The following EFCAB5 variants were observed in gnomAD, a reference collection of about 807,000 sequenced individuals.
EFCAB5 encodes EF-hand calcium binding domain 5, also known as EF-hand calcium-binding domain-containing protein 5.
EFCAB5 carries 131 observed loss-of-function variants against 167.9 expected under a neutral mutation model. The observed-to-expected ratio is 0.78, with a 90% CI of 0.68 to 0.90. The LOEUF is 0.90. Ranked by LOEUF, EFCAB5 falls within the 40% of genes least tolerant of loss-of-function variation. The pLI, the probability that EFCAB5 is intolerant of heterozygous loss-of-function variation, is 0.00. For missense variants in EFCAB5, 1,663 were observed against 1,745.2 expected (o/e 0.95, Z 0.84); for synonymous variants, 574 against 602.8 (o/e 0.95, Z 0.70).
chr17:30,075,220 C>A (rs1487840303), intron 14 of EFCAB5, among the ~76,000 whole-genome samples: 1 of 152,192 alleles, frequency 6.6e-6, no homozygotes, highest in Non-Finnish European at 1.5e-5. Context: ...GCTGTCCTCT[C>A]TTCCACACTG....
intron 7 of EFCAB5, among the ~76,000 whole-genome samples, chr17:30,023,093 T>C (rs1452456768): frequency 6.6e-6 from 1 of 151,148 alleles, no homozygotes; most frequent in African/African-American, 2.4e-5. Context: ...GATCCAAAAT[T>C]GACACCCTAA....
At chr17:30,030,384 C>T (rs570499518) in intron 7 of EFCAB5, among the ~76,000 whole-genome samples, 6 of 152,340 alleles carry the variant, frequency 3.9e-5, no homozygotes, top group African/African-American at 1.2e-4. Flanking sequence ...CGCTCTGTTG[C>T]CCAGGCTGGA....
At chr17:29,943,979 A>C (rs1567669262) in intron 3 of EFCAB5, among the ~76,000 whole-genome samples, 1 of 152,236 alleles carries the variant, frequency 6.6e-6, no homozygotes, top group Admixed American at 6.5e-5. Flanking sequence ...TCTCAAAAAA[A>C]TAAATAAATA....
chr17:30,075,784 C>T (rs574135002), intron 14 of EFCAB5, among the ~76,000 whole-genome samples: 1 of 152,318 alleles, frequency 6.6e-6, no homozygotes, highest in Admixed American at 6.5e-5. Context: ...GCCCTGATAC[C>T]CTGCTAGGTG....
At chr17:29,950,290 T>C (rs563253654) in intron 3 of EFCAB5, among the ~76,000 whole-genome samples, 1 of 151,096 alleles carries the variant, frequency 6.6e-6, no homozygotes, top group Non-Finnish European at 1.5e-5. Context: ...CTTCCTTCCT[T>C]CCTTCCTCTC....
chr17:30,003,370 G>A (rs1322594808), intron 7 of EFCAB5, among the ~76,000 whole-genome samples: 1 of 152,012 alleles, frequency 6.6e-6, no homozygotes, highest in South Asian at 2.1e-4. Context: ...CAAGTAGCTG[G>A]GACCACAGTC....
At chr17:30,027,493 T>C (rs2069362187) in intron 7 of EFCAB5, among the ~76,000 whole-genome samples, 1 of 151,980 alleles carries the variant, frequency 6.6e-6, no homozygotes, top group South Asian at 2.1e-4. Flanking sequence ...CTAAAGGCTG[T>C]GACGTTTCTT....
At chr17:29,934,078 T>C (rs1253382886) in intron 1 of EFCAB5, among the ~76,000 whole-genome samples, 1 of 152,218 alleles carries the variant, frequency 6.6e-6, no homozygotes, top group Non-Finnish European at 1.5e-5. Context: ...TCTAAAAATT[T>C]AATGAAAAAC....
At chr17:30,080,604 A>G (rs1216254029) in intron 16 of EFCAB5, 149 bp from the exon 17 acceptor site, 5 of 611,464 alleles carry the variant, frequency 8.2e-6, no homozygotes, top group East Asian at 5.7e-5. Context: ...TTCTCAAGTC[A>G]GACCTCCAAA....
rs1189363512 is a variant in EFCAB5, at chr17:29,941,766, A to G, written c.-31A>G. On this transcript the variant is annotated 5_prime_UTR_variant, in exon 1 of 23. Transcript: ENST00000394835. The stretch of plus-strand genomic sequence containing the variant: ...AATACTGGTCTAGTAATATTCTTCT[A>G]TACCATTTGGTGATAACTTTTGGAG... The G allele has an allele frequency of 2.5e-6, 4 of 1,572,616 alleles. No homozygotes were observed. Among genetic ancestry groups the G allele is most frequent in the East Asian group, 2.3e-5 (1 of 43,940 alleles).
rs760916339 is a variant in EFCAB5, at chr17:30,092,143, G to A, written c.4210G>A (p.Asp1404Asn). The change falls in exon 21 of 23, where the codon GAT becomes AAT. Residue 1404 changes from aspartate to asparagine, a missense_variant. Physicochemically the swap from Asp to Asn is conservative, Grantham distance 23. Transcript: ENST00000394835. The part of the protein sequence containing the change: ...LEFSSDFGSW[D>N]KCKFYVNKYL... ...ATTTTCAAGTGACTTTGGAAGTTGG[G>A]ATAAGTGTAAATTTGTAAGTTTTTT... 6.2e-7 allele frequency: 1 copy of A among 1,611,784 alleles called. No individual in the cohort carries two copies. Among genetic ancestry groups the A allele is most frequent in the Non-Finnish European group, 8.5e-7 (1 of 1,178,622 alleles).
At chr17:30,076,368 G>A (rs1178730697) in intron 14 of EFCAB5, among the ~76,000 whole-genome samples, 1 of 152,214 alleles carries the variant, frequency 6.6e-6, no homozygotes, top group East Asian at 1.9e-4. Flanking sequence ...TCCACCTCTA[G>A]AACTATGAGT....
chr17:29,977,903 C>T (rs2068092848), intron 4 of EFCAB5, among the ~76,000 whole-genome samples: 1 of 152,076 alleles, frequency 6.6e-6, no homozygotes, highest in Admixed American at 6.5e-5. Context: ...TGACAAAAAT[C>T]TATTGTGTGT....
At position 29,977,062 on chromosome 17, in the gene EFCAB5, G is replaced by C. The variant is rs1350444787; in HGVS notation, c.767+7695G>C. Among the ~76,000 whole-genome samples, 3 of 152,050 alleles carry C rather than the reference G, an allele frequency of 2.0e-5. No homozygotes were observed. In the South Asian group the frequency reaches 6.2e-4, roughly 32 times the overall value. ...GCAATTTTGGACAACTGTAAAGTAG[G>C]TTAAGTTTGTATCATTCACTTTTCT... is the stretch of plus-strand genomic sequence containing the variant. On this transcript the variant is annotated intron_variant, in intron 4 of 22. Transcript: ENST00000394835.
intron 4 of EFCAB5, among the ~76,000 whole-genome samples, chr17:29,986,871 TCTC>T (rs2068298044): frequency 6.6e-6 from 1 of 151,606 alleles, no homozygotes; most frequent in South Asian, 2.1e-4. Flanking sequence ...ATGGTCTCGA[TCTC>T]CTGACCTCGT....
chr17:29,975,304 G>T (rs2151594366), intron 4 of EFCAB5, among the ~76,000 whole-genome samples: 1 of 151,270 alleles, frequency 6.6e-6, no homozygotes, highest in Non-Finnish European at 1.5e-5. Context: ...TGGTTCCCCA[G>T]TCAGGAGTGC....
intron 6 of EFCAB5, among the ~76,000 whole-genome samples, chr17:29,998,816 T>G (rs1387528479): frequency 6.6e-6 from 1 of 152,146 alleles, no homozygotes. Flanking sequence ...GTATAGTTCT[T>G]TCATCATGAG....
chr17:29,971,717 C>A (rs2067958357), intron 4 of EFCAB5, among the ~76,000 whole-genome samples: 1 of 152,072 alleles, frequency 6.6e-6, no homozygotes, highest in South Asian at 2.1e-4. Flanking sequence ...GAAATAAATC[C>A]TGCTTGGTTG....
chr17:30,013,765 G>A (rs559509387), intron 7 of EFCAB5, among the ~76,000 whole-genome samples: 12 of 151,404 alleles, frequency 7.9e-5, no homozygotes, highest in Non-Finnish European at 1.2e-4. Flanking sequence ...TCCTGGATTC[G>A]TTGATTTCTT....
Sources: gnomAD v4.1 joint callset for allele counts (sites outside exome capture counted in the v4.1 genomes callset) on GRCh38, gnomAD v4.1.1 for gene constraint, MANE v1.5 for transcripts, NCBI Gene and HGNC (gene_info 2026-07-23, HGNC 2026-07-21) for gene names.